The following P2RY12 variants were observed in gnomAD, a reference collection of about 807,000 sequenced individuals.
The protein encoded by P2RY12 is purinergic receptor P2Y12, also known as P2Y purinoceptor 12.
Under a neutral mutation model 4.5 loss-of-function variants are expected in P2RY12, and 3 were observed. The ratio of observed to expected loss-of-function variants is 0.67; its 90% CI spans 0.31 to 1.74. The LOEUF (loss-of-function observed/expected upper bound fraction) is 1.74, where lower values mean the gene tolerates loss of function less well. Among genes scored for constraint, P2RY12 ranks in the 40% most tolerant of loss-of-function variants. P2RY12 has a pLI of 0.09. For missense variants in P2RY12, 356 were observed against 407.8 expected (o/e 0.87, Z 1.09); for synonymous variants, 148 against 154.1 (o/e 0.96, Z 0.29).
Position 151,338,004 on chromosome 3 carries a change from T to G in P2RY12, c.842A>C (p.Glu281Ala), listed in dbSNP as rs1172105404. The G allele has an allele frequency of 6.2e-7, 1 of 1,614,132 alleles. No individual in the cohort carries two copies. Reference protein sequence around the residue: ...TAENTLFYVKESTLWLTSLNA... With the variant: ...TAENTLFYVKASTLWLTSLNA... ...TAAGGAAGTTAACCACAGAGTGCTC[T>G]CTTTCACATAGAACAGAGTATTTTC... Residue 281 changes from glutamate to alanine, a missense_variant, in exon 3 of 3, where the codon GAG becomes GCG. Transcript: ENST00000302632.
intron 1 of P2RY12, among the ~76,000 whole-genome samples, chr3:151,355,549 T>C (rs1753803912): frequency 6.6e-6 from 1 of 152,178 alleles, no homozygotes; most frequent in Non-Finnish European, 1.5e-5. Flanking sequence ...TGTTGATGAT[T>C]GAAATAAAAT....
chr3:151,362,534 A>C (rs6804600), intron 1 of P2RY12, among the ~76,000 whole-genome samples: 11,770 of 151,968 alleles, frequency 0.077, 1,550 homozygotes, highest in African/African-American at 0.27. Context: ...CACCATTTTA[A>C]ATAGCACCCC....
Position 151,372,646 on chromosome 3 carries a change from G to A in P2RY12, c.-180+12046C>T, listed in dbSNP as rs780982387. On this transcript the variant is annotated intron_variant, in intron 1 of 2. Transcript: ENST00000302632. ...CCATGAGAGGTTTGCGATGTGATGG[G>A]AATGCTGATGATATCTGGACTGCCT... 3 of 1,613,896 alleles carry A rather than the reference G, an allele frequency of 1.9e-6. No individual in the cohort carries two copies. In the South Asian group the frequency reaches 3.3e-5, roughly 18 times the overall value.
intron 1 of P2RY12, chr3:151,382,593 T>G: frequency 8.3e-7 from 1 of 1,200,240 alleles, no homozygotes; most frequent in Non-Finnish European, 1.2e-6. Flanking sequence ...AGTATAAAGC[T>G]CAATTTATCT....
chr3:151,339,280 A>T (rs1751471522), intron 2 of P2RY12, among the ~76,000 whole-genome samples: 1 of 151,920 alleles, frequency 6.6e-6, no homozygotes, highest in Admixed American at 6.6e-5. Context: ...CAACGTCCTT[A>T]TTTCTGAGCT....
chr3:151,381,467 A>G (rs1560105014), intron 1 of P2RY12, among the ~76,000 whole-genome samples: 2 of 152,060 alleles, frequency 1.3e-5, no homozygotes, highest in Non-Finnish European at 2.9e-5. Context: ...TCTTTCCTCC[A>G]TGGTTGTTGC....
At chr3:151,364,853 T>C (rs1337171735) in intron 1 of P2RY12, 69 of 680,356 alleles carry the variant, frequency 1.0e-4, no homozygotes, top group Non-Finnish European at 1.0e-5. Flanking sequence ...AATTAAGAAC[T>C]CATAATGTGA....
At chr3:151,371,873 G>A (rs1358177870) in intron 1 of P2RY12, among the ~76,000 whole-genome samples, 2 of 152,114 alleles carry the variant, frequency 1.3e-5, no homozygotes, top group Non-Finnish European at 2.9e-5. Flanking sequence ...ATTCTGTTTA[G>A]TTTCTTTCCC....
chr3:151,369,450 G>A (rs1468254856), intron 1 of P2RY12: 2 of 1,603,532 alleles, frequency 1.2e-6, no homozygotes, highest in Non-Finnish European at 8.5e-7. Flanking sequence ...ACCTTTCCCT[G>A]GAATAAGATC....
At position 151,337,988 on chromosome 3, in the gene P2RY12, T is replaced by A. The variant is rs934398058; in HGVS notation, c.858A>T (p.Leu286Phe). The change falls in exon 3 of 3, where the codon TTA (leucine) becomes TTT (phenylalanine). Residue 286 changes from leucine to phenylalanine, a missense_variant. Coordinates refer to ENST00000302632, the MANE Select transcript of P2RY12 (RefSeq NM_022788.5). ...GATCCAGGCATGCATTTAAGGAAGT[T>A]AACCACAGAGTGCTCTCTTTCACAT... ...LFYVKESTLW[L>F]TSLNACLDPF... is the part of the protein sequence containing the mutation. The A allele has an allele frequency of 4.3e-6, 7 of 1,614,018 alleles. No individual in the cohort carries two copies. The African/African-American group carries it at 9.3e-5, about 22-fold the overall frequency.
At chr3:151,374,547 C>CAAAG (rs35163871) in intron 1 of P2RY12, among the ~76,000 whole-genome samples, 42,225 of 150,874 alleles carry the variant, frequency 0.28, 6,799 homozygotes, top group Non-Finnish European at 0.36. Flanking sequence ...GACTCTGTCT[C>CAAAG]AAAGAAAGAA....
At chr3:151,381,403 A>T (rs879586772) in intron 1 of P2RY12, among the ~76,000 whole-genome samples, 18 of 152,190 alleles carry the variant, frequency 1.2e-4, no homozygotes, top group Admixed American at 1.2e-3. Flanking sequence ...ATAAGGCCAG[A>T]CATGATTTGA....
chr3:151,350,056 C>T (rs192202726), intron 1 of P2RY12: 158 of 1,605,796 alleles, frequency 9.8e-5, no homozygotes, highest in Admixed American at 2.5e-4. Flanking sequence ...TTCTGTTTTT[C>T]AGGATGAATC....
At chr3:151,369,347 C>A in intron 1 of P2RY12, 2 of 851,948 alleles carry the variant, frequency 2.3e-6, no homozygotes, top group Non-Finnish European at 1.8e-6. Context: ...CACCCACAGT[C>A]TAACAATGAA....
At chr3:151,346,120 AT>A (rs1752507192) in intron 1 of P2RY12, among the ~76,000 whole-genome samples, 1 of 152,176 alleles carries the variant, frequency 6.6e-6, no homozygotes, top group African/African-American at 2.4e-5. Flanking sequence ...CCAAGGAATG[AT>A]TTGAGCTTCT....
chr3:151,383,692 AAAC>A (rs1712810514), intron 1 of P2RY12: 2 of 815,380 alleles, frequency 2.5e-6, no homozygotes, highest in South Asian at 1.8e-5. Context: ...TTTAAATAAA[AAAC>A]AATCAAAATT....
In P2RY12 at chr3:151,340,225, T is replaced by C. The variant is rs187981382; in HGVS notation, c.-15+371A>G. ...TGGTCTTAGTTCATCCCTGACCGTT[T>C]TGGAAATTCGACTTAGTGAATATAC... On this transcript the variant is annotated intron_variant, in intron 2 of 2. Transcript: ENST00000302632. Among the ~76,000 whole-genome samples the C allele has an allele frequency of 3.3e-3, 500 of 152,318 alleles. 1 individual carries two copies. The highest frequency in any genetic ancestry group is 5.2e-3 in the Non-Finnish European group (357 of 68,004).
chr3:151,376,722 G>C (rs1472453171), intron 1 of P2RY12: 1 of 1,172,590 alleles, frequency 8.5e-7, no homozygotes, highest in Non-Finnish European at 1.3e-6. Flanking sequence ...TTTCTTGAGA[G>C]AAGGAGTACT....
At chr3:151,381,560 A>G (rs943338921) in intron 1 of P2RY12, among the ~76,000 whole-genome samples, 2 of 152,178 alleles carry the variant, frequency 1.3e-5, no homozygotes, top group Admixed American at 1.3e-4. Context: ...TTAGGTGGAA[A>G]GATTCCCTTC....
Sources: gnomAD v4.1 joint callset for allele counts (sites outside exome capture counted in the v4.1 genomes callset) on GRCh38, gnomAD v4.1.1 for gene constraint, MANE v1.5 for transcripts, NCBI Gene and HGNC (gene_info 2026-07-23, HGNC 2026-07-21) for gene names.